The following SPATA13 variants were observed in gnomAD, a reference collection of about 807,000 sequenced individuals.
The protein encoded by SPATA13 is spermatogenesis associated 13, also known as spermatogenesis-associated protein 13.
Under a neutral mutation model 104.0 loss-of-function variants are expected in SPATA13, and 50 were observed. The ratio of observed to expected loss-of-function variants is 0.48; its 90% CI spans 0.38 to 0.61. SPATA13 has a LOEUF of 0.61. SPATA13 is among the 20% of genes least tolerant of loss of function. The pLI is 0.00. For synonymous variants in SPATA13, 606 were observed against 667.5 expected (o/e 0.91, Z 1.42); for missense variants, 1,524 against 1,690.6 (o/e 0.90, Z 1.73).
intron 3 of SPATA13, among the ~76,000 whole-genome samples, chr13:24,026,285 C>A (rs61945332): frequency 0.011 from 1,635 of 152,192 alleles, 13 homozygotes; most frequent in Non-Finnish European, 0.015. Flanking sequence ...ACATAGCTAC[C>A]CTCCTCTGTT....
chr13:24,296,918 C>T (rs1179103580), intron 10 of SPATA13, among the ~76,000 whole-genome samples: 1 of 152,184 alleles, frequency 6.6e-6, no homozygotes, highest in Admixed American at 6.5e-5. Flanking sequence ...AGGTGGTAGG[C>T]AGCCTCAGGT....
chr13:24,255,327 G>C (rs902307142), intron 4 of SPATA13, among the ~76,000 whole-genome samples: 2 of 152,118 alleles, frequency 1.3e-5, no homozygotes, highest in Non-Finnish European at 2.9e-5. Flanking sequence ...AGTTGAGTGA[G>C]GGCCCTCCCT....
rs147470905 is a variant in SPATA13, at chr13:24,088,614, T to TC, written c.-112+70914dup. On this transcript the variant is annotated intron_variant, in intron 3 of 14. Transcript: ENST00000424834. The surrounding 1 kb of genome is among the most constrained non-coding windows in gnomAD (Gnocchi z 4.3). ...ACATAATAAACACATCTCTTTAACC[T>TC]CAATTTTCTCTTTCCCAAAATGGAA... Among the ~76,000 whole-genome samples the TC allele has an allele frequency of 3.4e-3, 510 of 152,174 alleles. 16 individuals carry two copies. The East Asian group carries it at 0.066, about 20-fold the overall frequency.
chr13:23,983,502 G>T (rs768732443), intron 1 of SPATA13, among the ~76,000 whole-genome samples: 1 of 152,158 alleles, frequency 6.6e-6, no homozygotes, highest in African/African-American at 2.4e-5. Flanking sequence ...TTAAAAAGTG[G>T]ACACTGATCT....
At chr13:24,008,817 C>T (rs1876341972) in intron 2 of SPATA13, among the ~76,000 whole-genome samples, 1 of 152,168 alleles carries the variant, frequency 6.6e-6, no homozygotes, top group African/African-American at 2.4e-5. Context: ...GGCCTATCTT[C>T]TGCAGCTCCT....
chr13:24,196,666 G>A (rs1031252160), intron 1 of SPATA13, among the ~76,000 whole-genome samples: 4 of 152,182 alleles, frequency 2.6e-5, no homozygotes, highest in African/African-American at 4.8e-5. Flanking sequence ...AGCCCAAAAG[G>A]TTGAGGCTGC....
At chr13:23,981,981 G>A (rs1874925580) in intron 1 of SPATA13, among the ~76,000 whole-genome samples, 1 of 152,182 alleles carries the variant, frequency 6.6e-6, no homozygotes, top group African/African-American at 2.4e-5. Flanking sequence ...TGTTGTCATT[G>A]TCAATAATAC....
intron 3 of SPATA13, among the ~76,000 whole-genome samples, chr13:24,047,977 C>T (rs748054544): frequency 2.6e-5 from 4 of 152,180 alleles, no homozygotes; most frequent in Non-Finnish European, 4.4e-5. Context: ...CAATGTCTGA[C>T]ATCCCAGGGT....
chr13:24,178,109 C>G (rs1181385568), intron 1 of SPATA13, among the ~76,000 whole-genome samples: 1 of 152,190 alleles, frequency 6.6e-6, no homozygotes, highest in Non-Finnish European at 1.5e-5. Context: ...CCACCTTGGC[C>G]TCCCAAAGTG....
chr13:24,296,717 T>G (rs943929611), intron 10 of SPATA13, among the ~76,000 whole-genome samples: 1 of 152,100 alleles, frequency 6.6e-6, no homozygotes, highest in Non-Finnish European at 1.5e-5. Context: ...CTGGGTTCCA[T>G]TAATTCAGCA....
At chr13:24,024,166 G>A (rs981890674) in intron 3 of SPATA13, among the ~76,000 whole-genome samples, 8 of 152,192 alleles carry the variant, frequency 5.3e-5, no homozygotes, top group Non-Finnish European at 8.8e-5. Flanking sequence ...ATTGGTAGAA[G>A]GATGGCTAAG....
chr13:24,292,995 C>CA (rs34221097), intron 9 of SPATA13, among the ~76,000 whole-genome samples: 12,636 of 23,896 alleles, frequency 0.53, 5,824 homozygotes, highest in South Asian at 0.71. Context: ...GACTTTGTCT[C>CA]AAAAAAAAAA....
chr13:24,032,219 T>C (rs1295873990), intron 3 of SPATA13, among the ~76,000 whole-genome samples: 1 of 152,186 alleles, frequency 6.6e-6, no homozygotes, highest in African/African-American at 2.4e-5. Flanking sequence ...AGTGATTTTC[T>C]GTCCACTGAC....
Position 24,122,602 on chromosome 13 carries a change from C to G in SPATA13, c.-111-100217C>G. 2.7e-6 allele frequency: 4 copies of G among 1,490,322 alleles called. No homozygotes were observed. The South Asian group carries it at 4.5e-5, about 17-fold the overall frequency. The allele number at this position is 1,490,322 out of a possible 1,614,324, so 92.3% of individuals were successfully genotyped here. A position where few individuals can be genotyped will look rare whatever the true frequency, so the allele number is the denominator to read the frequency against. ...AATTTTGTTGCATGACACTCTGCAT[C>G]TTCTCCTGCAACTCCTGTAAGAACC... is the stretch of plus-strand genomic sequence containing the variant. On this transcript the variant is annotated intron_variant, in intron 3 of 14. Transcript: ENST00000424834.
At chr13:24,282,892 C>T (rs950223498) in intron 4 of SPATA13, among the ~76,000 whole-genome samples, 4 of 152,332 alleles carry the variant, frequency 2.6e-5, no homozygotes, top group Non-Finnish European at 4.4e-5. Context: ...AGAATTCAGA[C>T]GAGACTCTGT....
intron 2 of SPATA13, among the ~76,000 whole-genome samples, chr13:23,999,020 T>C (rs1375452429): frequency 6.6e-6 from 1 of 150,952 alleles, no homozygotes; most frequent in Non-Finnish European, 1.5e-5. Flanking sequence ...CTGCCTCCCA[T>C]GTTCAAGCAA....
intron 3 of SPATA13, among the ~76,000 whole-genome samples, chr13:24,154,658 CT>C (rs1338998627): frequency 2.0e-5 from 3 of 152,164 alleles, no homozygotes; most frequent in Non-Finnish European, 4.4e-5. Context: ...TATTTTCACA[CT>C]TTTAAGCGAG....
chr13:24,279,140 A>G (rs555295613), intron 4 of SPATA13, among the ~76,000 whole-genome samples: 5 of 152,308 alleles, frequency 3.3e-5, no homozygotes, highest in South Asian at 4.1e-4. Context: ...CTATGGAGAA[A>G]ACTAAACCAG....
intron 3 of SPATA13, among the ~76,000 whole-genome samples, chr13:24,071,998 A>G (rs901157246): frequency 1.3e-5 from 2 of 152,202 alleles, no homozygotes; most frequent in African/African-American, 4.8e-5. Flanking sequence ...TGCTTGCTGT[A>G]TTAATAATTC....
Sources: gnomAD v4.1 joint callset for allele counts (sites outside exome capture counted in the v4.1 genomes callset) on GRCh38, gnomAD v4.1.1 for gene constraint, Gnocchi (gnomAD v3.1) non-coding constraint, MANE v1.5 for transcripts, NCBI Gene and HGNC (gene_info 2026-07-23, HGNC 2026-07-21) for gene names.